CSMD1: variants seen among roughly 807,000 people sequenced by gnomAD.
CSMD1 encodes the protein CUB and Sushi multiple domains 1.
CSMD1 carries 213 observed loss-of-function variants against 417.5 expected under a neutral mutation model. That is an observed-to-expected ratio of 0.51 (90% CI 0.46 to 0.57). CSMD1 has a LOEUF of 0.57. CSMD1 is among the 20% of genes least tolerant of loss of function. CSMD1 has a pLI of 0.00. For synonymous variants in CSMD1, 2,862 were observed against 1,736.8 expected, an observed-to-expected ratio of 1.65 and a Z score of -16.11; for missense variants, 6,923 against 4,529.7, an observed-to-expected ratio of 1.53 and a Z score of -15.17.
intron 4 of CSMD1, among the ~76,000 whole-genome samples, chr8:4,001,717 T>C (rs926835515): frequency 2.0e-5 from 3 of 152,172 alleles, no homozygotes; most frequent in African/African-American, 7.2e-5. Flanking sequence ...GACCCATAGT[T>C]CACTGGGCCA....
intron 1 of CSMD1, among the ~76,000 whole-genome samples, chr8:4,704,015 T>C (rs933227417): frequency 2.0e-5 from 3 of 152,184 alleles, no homozygotes; most frequent in Non-Finnish European, 4.4e-5. Context: ...CCGATGCCGA[T>C]GTGAGACGAG....
At chr8:3,911,166 C>T (rs1462357922) in intron 5 of CSMD1, among the ~76,000 whole-genome samples, 5 of 152,272 alleles carry the variant, frequency 3.3e-5, no homozygotes, top group Admixed American at 3.3e-4. Context: ...TCATATAATG[C>T]AAGTGTCTGC....
chr8:4,481,658 G>A (rs1485782712), intron 2 of CSMD1, among the ~76,000 whole-genome samples: 2 of 152,252 alleles, frequency 1.3e-5, no homozygotes, highest in East Asian at 1.9e-4. Flanking sequence ...TTAAATACCT[G>A]AGTCCACAGA....
rs1182915102 is a variant in CSMD1 at position 3,394,153 on chromosome 8, G to C, written c.2593+2041C>G. ...AGCCTGCCCTCTACTTTTAAACACA[G>C]GATAAATGAAAAGAATACCAAAACA... On this transcript the variant is annotated intron_variant, in intron 17 of 69. Transcript: ENST00000635120. 2.8e-5 allele frequency among the ~76,000 whole-genome samples: 4 copies of C among 143,522 alleles called. No individual in the cohort carries two copies. The Middle Eastern group carries it at 0.011, about 393-fold the overall frequency. 94.2% of individuals were successfully genotyped at this position (143,522 alleles called of 152,430 possible).
chr8:3,252,737 A>C (rs1417236559), intron 26 of CSMD1, among the ~76,000 whole-genome samples: 1 of 152,192 alleles, frequency 6.6e-6, no homozygotes, highest in Non-Finnish European at 1.5e-5. Context: ...CCTCAATTTC[A>C]GAGCCTGTTA....
intron 7 of CSMD1, among the ~76,000 whole-genome samples, chr8:3,636,344 A>C (rs1797045770): frequency 6.6e-6 from 1 of 152,064 alleles, no homozygotes; most frequent in Non-Finnish European, 1.5e-5. Flanking sequence ...CGCCTGGCTA[A>C]TTTTTGGATT....
At chr8:4,819,397 T>C (rs1799391737) in intron 1 of CSMD1, among the ~76,000 whole-genome samples, 1 of 152,174 alleles carries the variant, frequency 6.6e-6, no homozygotes, top group South Asian at 2.1e-4. Context: ...TTTCATTTTA[T>C]GTCATTCTGC....
At chr8:3,837,743 T>C (rs1048329838) in intron 5 of CSMD1, among the ~76,000 whole-genome samples, 14 of 152,086 alleles carry the variant, frequency 9.2e-5, no homozygotes, top group African/African-American at 2.9e-4. Context: ...AAAATCCTCC[T>C]GGCTCCTCCC....
chr8:4,213,608 T>G (rs149334955), intron 3 of CSMD1, among the ~76,000 whole-genome samples: 189 of 152,360 alleles, frequency 1.2e-3, no homozygotes, highest in African/African-American at 4.4e-3. Context: ...AATGTCAGCT[T>G]TCTGTTTTTA....
chr8:3,624,228 G>T (rs1342228155), intron 7 of CSMD1, among the ~76,000 whole-genome samples: 4 of 152,118 alleles, frequency 2.6e-5, no homozygotes, highest in African/African-American at 7.2e-5. Context: ...GAAGCCATAT[G>T]GTTTCAACCA....
chr8:3,335,861 T>G (rs1225083926), intron 23 of CSMD1, among the ~76,000 whole-genome samples: 1 of 152,056 alleles, frequency 6.6e-6, no homozygotes, highest in Non-Finnish European at 1.5e-5. Flanking sequence ...CTCAGAGAGG[T>G]GAATTCATGG....
At chr8:3,220,064 G>C (rs1025634682) in intron 28 of CSMD1, among the ~76,000 whole-genome samples, 1 of 148,786 alleles carries the variant, frequency 6.7e-6, no homozygotes, top group African/African-American at 2.5e-5. Flanking sequence ...ATGATCACTT[G>C]AGGCCAGGAG....
chr8:3,621,650 T>G (rs1796247604), intron 7 of CSMD1, among the ~76,000 whole-genome samples: 1 of 152,020 alleles, frequency 6.6e-6, no homozygotes. Context: ...TGCAGTGCAG[T>G]GGCATAATCA....
intron 1 of CSMD1, chr8:4,787,704 G>T (rs1270902914): frequency 6.3e-7 from 1 of 1,592,676 alleles, no homozygotes. Context: ...TGTTTTTCAA[G>T]GATGCTGCCA....
intron 5 of CSMD1, among the ~76,000 whole-genome samples, chr8:3,795,176 C>T (rs63749767): frequency 0.039 from 2,137 of 55,328 alleles, 320 homozygotes; most frequent in East Asian, 0.1. Context: ...CTATCATGTA[C>T]AGCTATAGAT....
chr8:4,127,011 A>C (rs907936584), intron 3 of CSMD1, among the ~76,000 whole-genome samples: 1 of 152,194 alleles, frequency 6.6e-6, no homozygotes, highest in Non-Finnish European at 1.5e-5. Flanking sequence ...CCACTGGCCT[A>C]CAAAATATAT....
chr8:3,951,129 T>C (rs113260800), intron 5 of CSMD1, among the ~76,000 whole-genome samples: 1 of 152,222 alleles, frequency 6.6e-6, no homozygotes, highest in South Asian at 2.1e-4. Flanking sequence ...AGGCAGGAGA[T>C]GTCTCAAAGT....
chr8:4,398,945 G>C (rs1804456420), intron 3 of CSMD1, among the ~76,000 whole-genome samples: 1 of 152,032 alleles, frequency 6.6e-6, no homozygotes, highest in African/African-American at 2.4e-5. Flanking sequence ...ATATATTCTT[G>C]AGAATGTTTT....
intron 12 of CSMD1, among the ~76,000 whole-genome samples, chr8:3,444,523 G>A (rs368483255): frequency 6.6e-6 from 1 of 152,088 alleles, no homozygotes. Flanking sequence ...GGGACATTTG[G>A]CAATGTCTGG....
Sources: gnomAD v4.1 joint callset for allele counts (sites outside exome capture counted in the v4.1 genomes callset) on GRCh38, gnomAD v4.1.1 for gene constraint, MANE v1.5 for transcripts, NCBI Gene and HGNC (gene_info 2026-07-23, HGNC 2026-07-21) for gene names.